AIRE: variants seen among roughly 807,000 people sequenced by gnomAD.
The protein encoded by AIRE is autoimmune regulator, also known as autoimmune polyendocrinopathy candidiasis ectodermal dystrophy protein.
In AIRE, 52 loss-of-function variants were observed where a neutral mutation model predicts 62.1. The ratio of observed to expected loss-of-function variants is 0.84; its 90% CI spans 0.67 to 1.06. The LOEUF (loss-of-function observed/expected upper bound fraction) is 1.06, where lower values mean the gene tolerates loss of function less well. Ranked by LOEUF, AIRE falls within the 50% of genes least tolerant of loss-of-function variation. AIRE has a pLI of 0.00. For synonymous variants in AIRE, 342 were observed against 321.6 expected (o/e 1.06, Z -0.68); for missense variants, 774 against 755.8 (o/e 1.02, Z -0.28).
rs992354683 is a variant in AIRE, at chr21:44,297,331, C to A, written c.1567-325C>A. Reference sequence around the variant, plus strand: ...CGACCCCCCCACCCTGAAGGAGCCACCCGAGGAGGCAGAACTGCCATGAAC... The same window carrying A: ...CGACCCCCCCACCCTGAAGGAGCCAACCGAGGAGGCAGAACTGCCATGAAC... On this transcript the variant is annotated intron_variant, in intron 13 of 13. Transcript: ENST00000291582. The surrounding 1 kb of genome is among the most constrained non-coding windows in gnomAD (Gnocchi z 4.8). Among the ~76,000 whole-genome samples, 2 of 144,876 alleles carry A rather than the reference C, an allele frequency of 1.4e-5. No individual in the cohort carries two copies. Among genetic ancestry groups the A allele is most frequent in the Non-Finnish European group, 3.1e-5 (2 of 65,434 alleles).
intron 7 of AIRE, chr21:44,290,721 G>C: frequency 1.4e-6 from 2 of 1,381,934 alleles, no homozygotes; most frequent in South Asian, 2.3e-5. Context: ...AAGGACGGTG[G>C]GGGCTGCAGG....
At position 44,287,278 on chromosome 21, in the gene AIRE, AGAC is replaced by A; in HGVS notation, c.463+146_463+148del. ...GCTGTGGGGGTCTCCTCTGGGTACT[AGAC>A]CCACACACTGGACCAGCCTCTCAGC... On this transcript the variant is annotated intron_variant, in intron 3 of 13. Transcript: ENST00000291582. The surrounding 1 kb of genome is among the most constrained non-coding windows in gnomAD (Gnocchi z 4.3). The A allele has an allele frequency of 1.0e-6, 1 of 980,456 alleles. No homozygotes were observed. The highest frequency in any genetic ancestry group is 1.5e-6 in the Non-Finnish European group (1 of 662,228). The allele number at this position is 980,456 out of a possible 1,614,324, so 60.7% of individuals were successfully genotyped here.
At position 44,294,435 on chromosome 21, in the gene AIRE, G is replaced by A. The variant is rs371876095; in HGVS notation, c.1435G>A (p.Val479Met). The A allele has an allele frequency of 9.1e-5, 144 of 1,577,434 alleles. No homozygotes were observed. The highest frequency in any genetic ancestry group is 3.4e-4 in the Middle Eastern group (2 of 5,908). ...GLRCRSCSGD[V>M]TPAPVEGVLA... ...GCGCTGCAGATCCTGCTCAGGAGAC[G>A]TGACCCCAGCCCCTGTGGAGGGGGT... The change falls in exon 12 of 14, where the codon GTG becomes ATG. Residue 479 changes from valine to methionine, a missense_variant. By Grantham distance (21) the Val-to-Met change is conservative. Around this residue, in one of 3 missense-constraint regions of AIRE, gnomAD observed 354 missense variants for 296.1 expected, o/e 1.20. Transcript: ENST00000291582.
In AIRE at chr21:44,286,539, C is replaced by T. The variant is rs199590125; in HGVS notation, c.133-18C>T. On this transcript the variant is annotated intron_variant, in intron 1 of 13. Coordinates refer to ENST00000291582, the MANE Select transcript of AIRE (RefSeq NM_000383.4). The surrounding 1 kb of genome is among the most constrained non-coding windows in gnomAD (Gnocchi z 6.0). ...TGTGGGGGACCATGGCAGGGACCCT[C>T]ATGCCACCCCACTGCAGGAGACGCT... 4.4e-6 allele frequency: 7 copies of T among 1,602,266 alleles called. No individual in the cohort carries two copies. The East Asian group carries it at 1.1e-4, about 26-fold the overall frequency.
chr21:44,293,559 G>A (rs973584453), intron 10 of AIRE, among the ~76,000 whole-genome samples: 1 of 152,086 alleles, frequency 6.6e-6, no homozygotes, highest in Non-Finnish European at 1.5e-5. Flanking sequence ...AGGTGCGGGC[G>A]CCAGGCTTGC....
chr21:44,288,254 T>C (rs956423124), intron 4 of AIRE, 91 bp from the exon 5 acceptor site: 6 of 1,097,500 alleles, frequency 5.5e-6, no homozygotes, highest in Admixed American at 1.7e-5. Flanking sequence ...GAAAGGGCTC[T>C]GCAGCCCAGT....
rs746873146 is a variant in AIRE at position 44,296,442 on chromosome 21, C to G, written c.1563C>G (p.Ser521Arg). Residue 521 changes from serine (S) to arginine (R), a missense_variant, in exon 13 of 14, where the codon AGC becomes AGG. Transcript: ENST00000291582. ...LHRDDLESLL[S>R]EHTFDGILQW... ...GGGATGACCTGGAGTCCCTTCTGAGCGAGGTAACGCCTCCCCTGGCCTCCT... is the reference window on the plus strand; with the variant it reads ...GGGATGACCTGGAGTCCCTTCTGAGGGAGGTAACGCCTCCCCTGGCCTCCT... 6.2e-7 allele frequency: 1 copy of G among 1,612,228 alleles called. No homozygotes were observed. The highest frequency in any genetic ancestry group is 1.7e-5 in the Admixed American group (1 of 60,008).
chr21:44,291,676 G>A (rs1275769783), intron 8 of AIRE, among the ~76,000 whole-genome samples: 1 of 152,094 alleles, frequency 6.6e-6, no homozygotes, highest in Non-Finnish European at 1.5e-5. Context: ...CCTCCTCTGC[G>A]TTCACATCCC....
rs2146390581 is a variant in AIRE at position 44,298,171 on chromosome 21, T to G, written c.*444T>G. 1 of 241,446 alleles carries G rather than the reference T, an allele frequency of 4.1e-6. No homozygotes were observed. Among genetic ancestry groups the G allele is most frequent in the South Asian group, 4.9e-5 (1 of 20,498 alleles). 15.0% of individuals were successfully genotyped at this position (241,446 alleles called of 1,614,324 possible). ...AACAAAAAAACCACATAACATAAAT[T>G]TATCATCTCGACCACTTTTCAGTTC... On this transcript the variant is annotated 3_prime_UTR_variant, in exon 14 of 14. Coordinates refer to ENST00000291582, the MANE Select transcript of AIRE (RefSeq NM_000383.4).
Position 44,292,401 on chromosome 21 carries a change from G to C in AIRE, c.1095G>C (p.Pro365=), listed in dbSNP as rs750688330. The change falls in exon 9 of 14, where the codon CCG becomes CCC. Residue 365 remains proline, a splice_region_variant and synonymous_variant. Coordinates refer to ENST00000291582, the MANE Select transcript of AIRE (RefSeq NM_000383.4). Reference sequence around the variant, plus strand: ...CCCAGGAGCCACCCGTGGAGACCCCGGTATGGCCACGCCCCCTCCTAGCCG... The same window carrying C: ...CCCAGGAGCCACCCGTGGAGACCCCCGTATGGCCACGCCCCCTCCTAGCCG... The part of the protein sequence containing the change: ...PRPQEPPVET[P]LPPGLRSAGE... The C allele has an allele frequency of 1.3e-6, 2 of 1,549,216 alleles. No homozygotes were observed. The highest frequency in any genetic ancestry group is 1.7e-6 in the Non-Finnish European group (2 of 1,146,294).
intron 12 of AIRE, among the ~76,000 whole-genome samples, chr21:44,296,036 C>T (rs1057282919): frequency 6.6e-6 from 1 of 152,078 alleles, no homozygotes; most frequent in African/African-American, 2.4e-5. Flanking sequence ...TTGTCGGGGG[C>T]GGGGGTGGCA....
At chr21:44,292,224 GA>G in intron 8 of AIRE, 77 bp from the exon 9 acceptor site, 5 of 1,172,364 alleles carry the variant, frequency 4.3e-6, no homozygotes, top group Non-Finnish European at 5.0e-6. Flanking sequence ...CGGAGCCCTG[GA>G]GCTCCACCCG....
chr21:44,286,179 G>A lies in AIRE; in HGVS notation c.132+41G>A. 1.3e-6 allele frequency: 2 copies of A among 1,518,056 alleles called. No homozygotes were observed. Among genetic ancestry groups the A allele is most frequent in the Non-Finnish European group, 1.8e-6 (2 of 1,131,924 alleles). 94.0% of individuals were successfully genotyped at this position (1,518,056 alleles called of 1,614,324 possible). On this transcript the variant is annotated intron_variant, in intron 1 of 13. Coordinates refer to ENST00000291582, the MANE Select transcript of AIRE (RefSeq NM_000383.4). The surrounding 1 kb of genome is among the most constrained non-coding windows in gnomAD (Gnocchi z 6.0). ...GCCCCCCGCTGCCCCCAGGCCCTGT[G>A]AGCCAGGGATAGTCCCCGGGGAAGT...
chr21:44,288,754 G>C (rs1000169737), intron 5 of AIRE: 1 of 379,326 alleles, frequency 2.6e-6, no homozygotes, highest in Non-Finnish European at 4.9e-6. Flanking sequence ...CCATGGGGTT[G>C]CATCCTTAGA....
rs2146380972 is a variant in AIRE at position 44,291,145 on chromosome 21, C to T, written c.930C>T (p.Cys310=). Residue 310 remains cysteine, a synonymous_variant, in exon 8 of 14, where the codon TGC becomes TGT. Transcript: ENST00000291582. ...AVCRDGGELI[C]CDGCPRAFHL... Reference sequence around the variant, plus strand: ...GTCGGGACGGCGGGGAGCTCATCTGCTGTGACGGCTGCCCTCGGGCCTTCC... The same window carrying T: ...GTCGGGACGGCGGGGAGCTCATCTGTTGTGACGGCTGCCCTCGGGCCTTCC... 6.2e-7 allele frequency: 1 copy of T among 1,611,054 alleles called. No individual in the cohort carries two copies. The highest frequency in any genetic ancestry group is 8.5e-7 in the Non-Finnish European group (1 of 1,179,814).
rs755022448 is a variant in AIRE, at chr21:44,291,225, C to T, written c.995+15C>T. The T allele has an allele frequency of 6.9e-6, 11 of 1,598,212 alleles. No individual in the cohort carries two copies. Among genetic ancestry groups the T allele is most frequent in the Middle Eastern group, 4.2e-4 (2 of 4,718 alleles). On this transcript the variant is annotated intron_variant, in intron 8 of 13. Transcript: ENST00000291582. ...GAGATCCCCAGGTGAGCCTGCACCT[C>T]TGCCAGCGCAACCAGGCCACCCCGG...
rs1372664381 is a variant in AIRE, at chr21:44,286,687, A to G, written c.263A>G (p.Glu88Gly). The change falls in exon 2 of 14, where the codon GAG (glutamate) becomes GGG (glycine). Residue 88 changes from glutamate to glycine, a missense_variant. By Grantham distance (98) the Glu-to-Gly change is moderately conservative. Around this residue, in one of 3 missense-constraint regions of AIRE, gnomAD observed 385 missense variants for 396.0 expected, o/e 0.97. Coordinates refer to ENST00000291582, the MANE Select transcript of AIRE (RefSeq NM_000383.4). The surrounding 1 kb of genome is among the most constrained non-coding windows in gnomAD (Gnocchi z 6.0). ...WRVLFKDYNL[E>G]RYGRLQPILD... ...GTGCTGTTCAAGGACTACAACCTGGAGCGCTATGGCCGGCTGCAGCCCATC... is the reference window on the plus strand; with the variant it reads ...GTGCTGTTCAAGGACTACAACCTGGGGCGCTATGGCCGGCTGCAGCCCATC... The G allele has an allele frequency of 6.2e-7, 1 of 1,613,034 alleles. No homozygotes were observed. The highest frequency in any genetic ancestry group is 1.7e-5 in the Admixed American group (1 of 60,012).
In AIRE at chr21:44,286,287, C is replaced by T. The variant is rs2040481140; in HGVS notation, c.132+149C>T. On this transcript the variant is annotated intron_variant, in intron 1 of 13. Transcript: ENST00000291582. This position sits in a 1 kb window ranked among gnomAD's most constrained non-coding sequence, Gnocchi z 6.0. ...TCCCCACAAGGAGCCAGGGGCGTCC[C>T]TGATGACAAGTTAGAAGTTGGTCCC... is the stretch of plus-strand genomic sequence containing the variant. 5 of 990,176 alleles carry T rather than the reference C, an allele frequency of 5.0e-6. No individual in the cohort carries two copies. The highest frequency in any genetic ancestry group is 7.4e-6 in the Non-Finnish European group (5 of 672,268). The allele number at this position is 990,176 out of a possible 1,614,324, so 61.3% of individuals were successfully genotyped here.
Position 44,286,843 on chromosome 21 carries a change from C to A in AIRE, c.307+112C>A. 6.4e-7 allele frequency: 1 copy of A among 1,563,154 alleles called. No individual in the cohort carries two copies. Among genetic ancestry groups the A allele is most frequent in the Non-Finnish European group, 8.8e-7 (1 of 1,140,192 alleles). On this transcript the variant is annotated intron_variant, in intron 2 of 13. Coordinates refer to ENST00000291582, the MANE Select transcript of AIRE (RefSeq NM_000383.4). This position sits in a 1 kb window ranked among gnomAD's most constrained non-coding sequence, Gnocchi z 6.0. Reference sequence around the variant, plus strand: ...GTTTGAGGAGCCCGTGGGTGATGTTCCAGGACCGTCTTGGATCCTAAGAGG... The same window carrying A: ...GTTTGAGGAGCCCGTGGGTGATGTTACAGGACCGTCTTGGATCCTAAGAGG...
Sources: allele counts gnomAD v4.1 joint callset (sites outside exome capture counted in the v4.1 genomes callset), GRCh38; gene constraint gnomAD v4.1.1; regional missense constraint gnomAD v4.1.1; non-coding constraint Gnocchi (gnomAD v3.1); transcripts MANE v1.5; gene names NCBI Gene and HGNC (gene_info 2026-07-23, HGNC 2026-07-21).